The following GPC4 variants were observed in gnomAD, a reference collection of about 807,000 sequenced individuals.
GPC4 encodes the protein glypican 4.
In GPC4, 10 loss-of-function variants were observed where a neutral mutation model predicts 35.0. The ratio of observed to expected loss-of-function variants is 0.29; its 90% CI spans 0.18 to 0.48. GPC4 has a LOEUF of 0.48. GPC4 is among the 20% of genes least tolerant of loss of function. The pLI is 0.99. For synonymous variants in GPC4, 167 were observed against 170.2 expected, an observed-to-expected ratio of 0.98 and a Z score of 0.15; for missense variants, 322 against 451.3, an observed-to-expected ratio of 0.71 and a Z score of 2.60.
At chrX:133,397,878 T>C (rs1165356743) in intron 1 of GPC4, among the ~76,000 whole-genome samples, 1 of 111,420 alleles carries the variant, frequency 9.0e-6, no homozygotes, top group Non-Finnish European at 1.9e-5. Context: ...CTGAGCAACA[T>C]GGTGAATCCC....
At chrX:133,374,502 C>T (rs1485663683) in intron 1 of GPC4, among the ~76,000 whole-genome samples, 4 of 111,465 alleles carry the variant, frequency 3.6e-5, no homozygotes, top group Admixed American at 9.5e-5. Context: ...AGTGTTAAAT[C>T]GCAGGAGTTG....
intron 1 of GPC4, among the ~76,000 whole-genome samples, chrX:133,346,345 T>C (rs1162441519): frequency 1.8e-5 from 2 of 111,562 alleles, no homozygotes; most frequent in African/African-American, 6.5e-5. Flanking sequence ...TCCTGCCTCA[T>C]GTCCAAAGTT....
intron 1 of GPC4, among the ~76,000 whole-genome samples, chrX:133,381,781 G>A (rs1440259520): frequency 1.8e-5 from 2 of 112,016 alleles, no homozygotes; most frequent in African/African-American, 3.3e-5. Flanking sequence ...TTCCCATAAC[G>A]CCTACTGTTG....
At chrX:133,359,912 C>T (rs2068559344) in intron 1 of GPC4, among the ~76,000 whole-genome samples, 1 of 110,795 alleles carries the variant, frequency 9.0e-6, no homozygotes, top group Non-Finnish European at 1.9e-5. Context: ...TATTCATAAG[C>T]GGGGTTCTAG....
At chrX:133,363,861 G>A (rs1050081083) in intron 1 of GPC4, among the ~76,000 whole-genome samples, 1 of 111,241 alleles carries the variant, frequency 9.0e-6, no homozygotes. Context: ...CACCAGCCCT[G>A]GGCAAGCATA....
intron 1 of GPC4, among the ~76,000 whole-genome samples, chrX:133,409,989 C>T (rs1434351191): frequency 2.9e-5 from 3 of 102,315 alleles, no homozygotes; most frequent in South Asian, 4.9e-4. Context: ...GCTTGACTGA[C>T]GACATTCCCC....
chrX:133,385,616 T>C (rs1035835093), intron 1 of GPC4, among the ~76,000 whole-genome samples: 5 of 111,731 alleles, frequency 4.5e-5, no homozygotes, highest in African/African-American at 1.6e-4. Context: ...ATCAGAATAA[T>C]GAAGATAAAA....
At chrX:133,390,187 C>CTTCACCTCAAACTGCTTTT (rs1281405347) in intron 1 of GPC4, among the ~76,000 whole-genome samples, 1 of 111,508 alleles carries the variant, frequency 9.0e-6, no homozygotes, top group Non-Finnish European at 1.9e-5. Context: ...CAGCCTACTT[C>CTTCACCTCAAACTGCTTTT]TTCACCTCAA....
intron 3 of GPC4, among the ~76,000 whole-genome samples, chrX:133,319,322 T>G (rs1228491839): frequency 9.4e-6 from 1 of 106,737 alleles, no homozygotes; most frequent in Non-Finnish European, 1.9e-5. Flanking sequence ...CACGTGCCTG[T>G]AGTGCTAGCT....
chrX:133,307,426 G>A (rs1338612029), intron 4 of GPC4, among the ~76,000 whole-genome samples: 2 of 111,610 alleles, frequency 1.8e-5, no homozygotes, highest in South Asian at 3.8e-4. Flanking sequence ...CTACAATTCC[G>A]ATGTCACAAA....
chrX:133,407,545 G>A (rs1436018034), intron 1 of GPC4, among the ~76,000 whole-genome samples: 1 of 111,259 alleles, frequency 9.0e-6, no homozygotes, highest in Non-Finnish European at 1.9e-5. Context: ...AAAGAATCCC[G>A]AGAGATCAAT....
intron 1 of GPC4, among the ~76,000 whole-genome samples, chrX:133,370,318 C>T (rs755144031): frequency 5.4e-5 from 6 of 111,840 alleles, no homozygotes; most frequent in Non-Finnish European, 1.1e-4. Flanking sequence ...GGAGGGAAGA[C>T]AGAGGGGAGC....
intron 1 of GPC4, among the ~76,000 whole-genome samples, chrX:133,353,821 C>A (rs1323602507): frequency 1.8e-5 from 2 of 111,343 alleles, no homozygotes; most frequent in East Asian, 5.7e-4. Context: ...ACAACTGATG[C>A]AAGTGGTGAT....
At chrX:133,328,235 G>C (rs756451447) in intron 2 of GPC4, among the ~76,000 whole-genome samples, 66 of 111,211 alleles carry the variant, frequency 5.9e-4, no homozygotes, top group Non-Finnish European at 1.1e-3. Context: ...GGATCCAGAA[G>C]ACCCAGACTC....
At chrX:133,379,545 G>C (rs2068651392) in intron 1 of GPC4, among the ~76,000 whole-genome samples, 2 of 111,969 alleles carry the variant, frequency 1.8e-5, no homozygotes. Flanking sequence ...GATACTTTAA[G>C]TTGGTTGAAA....
At chrX:133,311,454 T>C in intron 3 of GPC4, 31 bp from the exon 4 acceptor site, 1 of 1,183,082 alleles carries the variant, frequency 8.5e-7, no homozygotes, top group East Asian at 3.0e-5. Flanking sequence ...AAGACAGTAG[T>C]GGCGGGGCTA....
chrX:133,406,418 T>C (rs1000473779), intron 1 of GPC4, among the ~76,000 whole-genome samples: 1 of 112,445 alleles, frequency 8.9e-6, no homozygotes, highest in African/African-American at 3.2e-5. Flanking sequence ...TTGTGATGAA[T>C]CTCATTGGAA....
chrX:133,381,890 G>A (rs954087422), intron 1 of GPC4, among the ~76,000 whole-genome samples: 4 of 111,908 alleles, frequency 3.6e-5, no homozygotes, highest in African/African-American at 1.3e-4. Context: ...TGTGCATTCA[G>A]TGGGTTAAAT....
chrX:133,373,093 AG>A (rs1156417671), intron 1 of GPC4, among the ~76,000 whole-genome samples: 6 of 112,150 alleles, frequency 5.3e-5, no homozygotes, highest in African/African-American at 1.6e-4. Flanking sequence ...CCTCAGATGA[AG>A]AAGAAAGGAA....
Sources: allele counts gnomAD v4.1 joint callset (sites outside exome capture counted in the v4.1 genomes callset), GRCh38; gene constraint gnomAD v4.1.1; transcripts MANE v1.5; gene names NCBI Gene and HGNC (gene_info 2026-07-23, HGNC 2026-07-21).